DDX42: variants seen among roughly 807,000 people sequenced by gnomAD.
DDX42 encodes the protein ATP-dependent RNA helicase DDX42.
A neutral mutation model predicts 101.5 loss-of-function variants in DDX42; 22 were observed. The ratio of observed to expected loss-of-function variants is 0.22; its 90% CI spans 0.15 to 0.31. The LOEUF (loss-of-function observed/expected upper bound fraction) is 0.31. Ranked by LOEUF, DDX42 falls within the 10% of genes least tolerant of loss-of-function variation. The pLI is 1.00. For missense variants in DDX42, 849 were observed against 1,199.9 expected, an observed-to-expected ratio of 0.71 and a Z score of 4.32; for synonymous variants, 402 against 401.2, an observed-to-expected ratio of 1.00 and a Z score of -0.02.
At chr17:63,810,933 T>G (rs2039902324) in intron 12 of DDX42, 143 bp from the exon 13 acceptor site, 2 of 656,818 alleles carry the variant, frequency 3.0e-6, no homozygotes, top group African/African-American at 3.6e-5. Flanking sequence ...AATCTTTCCC[T>G]AGTGAATCAG....
chr17:63,805,391 C>G lies in DDX42; in HGVS notation c.726+216C>G. On this transcript the variant is annotated intron_variant, in intron 7 of 17. Transcript: ENST00000389924. Reference sequence around the variant, plus strand: ...TTAGGATAGGATCATTTTCTTGTTTCATATTTCAGTCAGTTTTATATGTTC... The same window carrying G: ...TTAGGATAGGATCATTTTCTTGTTTGATATTTCAGTCAGTTTTATATGTTC... 3 of 533,678 alleles carry G rather than the reference C, an allele frequency of 5.6e-6. No homozygotes were observed. The South Asian group carries it at 7.5e-5, about 13-fold the overall frequency. The allele number at this position is 533,678 out of a possible 1,614,324, so 33.1% of individuals were successfully genotyped here. A position where few individuals can be genotyped will look rare whatever the true frequency, so the allele number is the denominator to read the frequency against.
Position 63,818,306 on chromosome 17 carries a change from A to G in DDX42, c.2725A>G (p.Met909Val). Residue 909 changes from methionine (M) to valine (V), a missense_variant, in exon 18 of 18, where the codon ATG becomes GTG. By Grantham distance (21) the Met-to-Val change is conservative (BLOSUM62 1). This residue lies in a region of DDX42 where 300 missense variants were observed against 304.9 expected (regional missense o/e 0.98). Transcript: ENST00000389924. Reference protein sequence around the residue: ...KMEPKVDSSKMDKVDSKTDKT... With the variant: ...KMEPKVDSSKVDKVDSKTDKT... ...GGAACCCAAAGTGGACAGCAGCAAGATGGACAAGGTGGACAGCAAGACAGA... is the reference window on the plus strand; with the variant it reads ...GGAACCCAAAGTGGACAGCAGCAAGGTGGACAAGGTGGACAGCAAGACAGA... 6.2e-7 allele frequency: 1 copy of G among 1,614,066 alleles called. No homozygotes were observed. Among genetic ancestry groups the G allele is most frequent in the Non-Finnish European group, 8.5e-7 (1 of 1,179,932 alleles).
chr17:63,793,809 TATTTA>T (rs1280449269), intron 3 of DDX42, among the ~76,000 whole-genome samples: 5 of 151,374 alleles, frequency 3.3e-5, no homozygotes, highest in East Asian at 3.9e-4. Context: ...GAATGTTCAT[TATTTA>T]ATTTAATCCT....
chr17:63,783,821 G>T (rs954451613), intron 1 of DDX42, among the ~76,000 whole-genome samples: 2 of 152,032 alleles, frequency 1.3e-5, no homozygotes, highest in African/African-American at 4.8e-5. Context: ...CCAGCACTTC[G>T]GGAGGCCAAG....
chr17:63,806,640 C>G lies in DDX42; in HGVS notation c.832C>G (p.Pro278Ala), dbSNP rs759668035. 4.3e-6 allele frequency: 7 copies of G among 1,609,568 alleles called. 1 individual carries two copies. The highest frequency in any genetic ancestry group is 5.9e-6 in the Non-Finnish European group (7 of 1,178,382). The change falls in exon 8 of 18, where the codon CCA becomes GCA. Residue 278 changes from proline (P) to alanine (A), a missense_variant. Transcript: ENST00000389924. ...IRKSEYTQPT[P>A]IQCQGVPVAL... Reference sequence around the variant, plus strand: ...GAAATCTGAATACACACAGCCCACTCCAATACAGTGCCAGGTAAGTAAAAC... The same window carrying G: ...GAAATCTGAATACACACAGCCCACTGCAATACAGTGCCAGGTAAGTAAAAC...
rs956815602 is a variant in DDX42, at chr17:63,786,987, A to C, written c.-16-47A>C. The stretch of plus-strand genomic sequence containing the variant: ...CACCGCGCCCGGCCCTTGGGGCTAT[A>C]CACTTTTTTAAGTTTAATTTATATT... On this transcript the variant is annotated intron_variant, in intron 1 of 17. Transcript: ENST00000389924. 1.2e-5 allele frequency: 20 copies of C among 1,601,742 alleles called. No individual in the cohort carries two copies. The African/African-American group carries it at 2.3e-4, about 18-fold the overall frequency.
intron 3 of DDX42, among the ~76,000 whole-genome samples, chr17:63,793,659 T>C (rs2039655590): frequency 6.6e-6 from 1 of 152,126 alleles, no homozygotes; most frequent in Non-Finnish European, 1.5e-5. Context: ...ACAACCACCA[T>C]GTTATTGTCG....
chr17:63,806,374 C>T (rs1383559160), intron 7 of DDX42, 161 bp from the exon 8 acceptor site: 2 of 560,868 alleles, frequency 3.6e-6, no homozygotes, highest in African/African-American at 1.9e-5. Flanking sequence ...TATTTGTTAC[C>T]ATTTGAGGTT....
At chr17:63,809,069 C>A (rs530195433) in intron 10 of DDX42, 121 bp downstream of exon 10, 1 of 1,371,936 alleles carries the variant, frequency 7.3e-7, no homozygotes, top group East Asian at 2.4e-5. Context: ...TACTGATGAA[C>A]GGCAGGCTGT....
At chr17:63,807,931 A>C (rs780667825) in intron 9 of DDX42, 31 bp downstream of exon 9, 3 of 1,590,138 alleles carry the variant, frequency 1.9e-6, no homozygotes, top group Non-Finnish European at 2.6e-6. Flanking sequence ...GCCTCCTTCC[A>C]TATGTGGACT....
chr17:63,815,974 C>A lies in DDX42; in HGVS notation c.2013+301C>A, dbSNP rs137968114. On this transcript the variant is annotated intron_variant, in intron 16 of 17. Coordinates refer to ENST00000389924, the MANE Select transcript of DDX42 (RefSeq NM_203499.3). Reference sequence around the variant, plus strand: ...ATGCAAACTCATCCCCAACCCCAGACCTTGTGAATCAGAAACTCTGGAGTT... The same window carrying A: ...ATGCAAACTCATCCCCAACCCCAGAACTTGTGAATCAGAAACTCTGGAGTT... 5.0e-4 allele frequency: 86 copies of A among 171,516 alleles called. No individual in the cohort carries two copies. The East Asian group carries it at 0.011, about 23-fold the overall frequency. The allele number at this position is 171,516 out of a possible 1,614,324, so 10.6% of individuals were successfully genotyped here. A position where few individuals can be genotyped will look rare whatever the true frequency, so the allele number is the denominator to read the frequency against.
chr17:63,795,139 C>A (rs1259840949), intron 3 of DDX42, among the ~76,000 whole-genome samples: 1 of 152,038 alleles, frequency 6.6e-6, no homozygotes, highest in Non-Finnish European at 1.5e-5. Flanking sequence ...ATCAGGGGAT[C>A]TTGTCTAATA....
intron 6 of DDX42, among the ~76,000 whole-genome samples, chr17:63,801,283 G>A (rs1316144424): frequency 6.6e-6 from 1 of 152,096 alleles, no homozygotes. Flanking sequence ...TTGAGCTCCT[G>A]ACCTCAGGTG....
In DDX42 at chr17:63,806,642, A is replaced by G. The variant is rs971231552; in HGVS notation, c.834A>G (p.Pro278=). 2.5e-6 allele frequency: 4 copies of G among 1,609,972 alleles called. No homozygotes were observed. In the Admixed American group the frequency reaches 6.8e-5, roughly 27 times the overall value. Residue 278 remains proline (P), a synonymous_variant, in exon 8 of 18, where the codon CCA becomes CCG. Coordinates refer to ENST00000389924, the MANE Select transcript of DDX42 (RefSeq NM_203499.3). ...IRKSEYTQPT[P]IQCQGVPVAL... is the part of the protein sequence containing the mutation. ...AATCTGAATACACACAGCCCACTCC[A>G]ATACAGTGCCAGGTAAGTAAAACAT...
rs1385795380 is a variant in DDX42, at chr17:63,774,234, T to TGGC, written c.-157_-156insCGG. On this transcript the variant is annotated 5_prime_UTR_variant, in exon 1 of 18. Transcript: ENST00000389924. ...GCGGTGGTGGCGGTGGCGGCGGCGG[T>TGGC]GGTGGTGGTGGCGGCGGCGGCGGCG... The TGGC allele has an allele frequency of 0.016, 4,035 of 253,060 alleles. 82 individuals carry two copies. Among genetic ancestry groups the TGGC allele is most frequent in the Admixed American group, 0.028 (435 of 15,534 alleles). 15.7% of individuals were successfully genotyped at this position (253,060 alleles called of 1,614,324 possible).
chr17:63,805,417 T>C, intron 7 of DDX42: 1 of 413,060 alleles, frequency 2.4e-6, no homozygotes, highest in Non-Finnish European at 4.2e-6. Context: ...TTATATGTTC[T>C]GTGCTGGATG....
Position 63,818,020 on chromosome 17 carries a change from C to A in DDX42, c.2439C>A (p.Asn813Lys). Reference protein sequence around the residue: ...SNGKRERYTENRGSSRHSHGE... With the variant: ...SNGKRERYTEKRGSSRHSHGE... Reference sequence around the variant, plus strand: ...GGAAAAGAGAGAGATATACTGAGAACCGGGGCAGCAGCCGTCACAGTCACG... The same window carrying A: ...GGAAAAGAGAGAGATATACTGAGAAACGGGGCAGCAGCCGTCACAGTCACG... Residue 813 changes from asparagine to lysine, a missense_variant, in exon 18 of 18, where the codon AAC becomes AAA. Around this residue, in one of 5 missense-constraint regions of DDX42, gnomAD observed 300 missense variants for 304.9 expected, o/e 0.98. Coordinates refer to ENST00000389924, the MANE Select transcript of DDX42 (RefSeq NM_203499.3). 1 of 1,614,016 alleles carries A rather than the reference C, an allele frequency of 6.2e-7. No individual in the cohort carries two copies. The highest frequency in any genetic ancestry group is 8.5e-7 in the Non-Finnish European group (1 of 1,180,022).
In DDX42 at chr17:63,795,959, C is replaced by G. The variant is rs74867953; in HGVS notation, c.373-2079C>G. 4.2e-3 allele frequency among the ~76,000 whole-genome samples: 641 copies of G among 152,248 alleles called. 7 individuals are homozygous for G. Among genetic ancestry groups the G allele is most frequent in the African/African-American group, 0.015 (621 of 41,528 alleles). On this transcript the variant is annotated intron_variant, in intron 3 of 17. Transcript: ENST00000389924. ...ACTTACAAACTATACAGGATACTTA[C>G]CAAACACCCAGACTATTCAGGGTAT... is the stretch of plus-strand genomic sequence containing the variant.
At chr17:63,813,802 GTGA>G (rs1490198919) in intron 15 of DDX42, among the ~76,000 whole-genome samples, 1 of 151,796 alleles carries the variant, frequency 6.6e-6, no homozygotes, top group Non-Finnish European at 1.5e-5. Flanking sequence ...CTAAAAATGT[GTGA>G]TGCCTTTAAA....
Sources: allele counts gnomAD v4.1 joint callset (sites outside exome capture counted in the v4.1 genomes callset), GRCh38; gene constraint gnomAD v4.1.1; regional missense constraint gnomAD v4.1.1; transcripts MANE v1.5; gene names NCBI Gene and HGNC (gene_info 2026-07-23, HGNC 2026-07-21).